Variants in GARIN1A observed in about 807,000 individuals in gnomAD.
GARIN1A encodes Golgi-associated RAB2 interactor protein 1A.
At chr7:128,700,279 A>ATTTTTTTT in the GARIN1A span, among the ~76,000 whole-genome samples, 1 of 119,474 alleles carries the variant, frequency 8.4e-6, no homozygotes. Context: ...TTTGTTTTGT[A>ATTTTTTTT]TTTTGTTTTT....
the GARIN1A span, among the ~76,000 whole-genome samples, chr7:128,704,375 G>T: frequency 7.2e-4 from 110 of 151,794 alleles, 4 homozygotes; most frequent in African/African-American, 2.5e-3. Flanking sequence ...CACCATCTCG[G>T]CTCACTGCAA....
the GARIN1A span, among the ~76,000 whole-genome samples, chr7:128,701,933 A>G: frequency 1.3e-5 from 2 of 152,202 alleles, no homozygotes; most frequent in Non-Finnish European, 2.9e-5. Flanking sequence ...ACACAAAAAT[A>G]AGAATTACAG....
chr7:128,684,309 A>G, the GARIN1A span: 2 of 152,236 alleles, frequency 1.3e-5, no homozygotes, highest in African/African-American at 4.8e-5. Context: ...TTGCTCCACT[A>G]TATCAAGCAA....
chr7:128,672,555 C>T, the GARIN1A span: 60 of 1,601,612 alleles, frequency 3.7e-5, no homozygotes, highest in Non-Finnish European at 4.8e-5. Context: ...ATCCAGGTAC[C>T]CTCGTGGAGC....
At chr7:128,689,002 T>C in the GARIN1A span, among the ~76,000 whole-genome samples, 3 of 151,632 alleles carry the variant, frequency 2.0e-5, no homozygotes, top group Non-Finnish European at 4.4e-5. Context: ...GGGGTTTCGC[T>C]GTGTTGGCCG....
chr7:128,699,981 G>A, the GARIN1A span, among the ~76,000 whole-genome samples: 1 of 151,900 alleles, frequency 6.6e-6, no homozygotes, highest in African/African-American at 2.4e-5. Flanking sequence ...ACAGTTTTTG[G>A]TTTAAAGTCC....
At chr7:128,691,602 C>T in the GARIN1A span, 2 of 152,234 alleles carry the variant, frequency 1.3e-5, no homozygotes, top group African/African-American at 4.8e-5. Flanking sequence ...GACCCACCAA[C>T]ACTAAGATGG....
chr7:128,675,746 G>A, the GARIN1A span: 15 of 1,613,690 alleles, frequency 9.3e-6, no homozygotes, highest in Admixed American at 3.3e-5. Context: ...TCACCTCCTC[G>A]GTGCCCTCCC....
the GARIN1A span, among the ~76,000 whole-genome samples, chr7:128,679,530 A>G: frequency 4.8e-4 from 73 of 152,250 alleles, no homozygotes; most frequent in African/African-American, 1.7e-3. Flanking sequence ...TTGGACCCTT[A>G]CAAATTTTTA....
chr7:128,687,298 CAGTT>C, the GARIN1A span: 3 of 152,182 alleles, frequency 2.0e-5, no homozygotes, highest in Non-Finnish European at 4.4e-5. Flanking sequence ...CATTTTATGT[CAGTT>C]AGACTTCTTT....
At chr7:128,682,155 T>C in the GARIN1A span, among the ~76,000 whole-genome samples, 1 of 152,036 alleles carries the variant, frequency 6.6e-6, no homozygotes, top group African/African-American at 2.4e-5. Flanking sequence ...CCCTGGGTTG[T>C]CCAAGGAAGG....
the GARIN1A span, among the ~76,000 whole-genome samples, chr7:128,700,760 T>C: frequency 6.6e-6 from 1 of 152,124 alleles, no homozygotes; most frequent in African/African-American, 2.4e-5. Context: ...GCCAAGAATT[T>C]CTCAGAATTC....
the GARIN1A span, among the ~76,000 whole-genome samples, chr7:128,689,624 C>CAT: frequency 4.3e-5 from 6 of 139,612 alleles, no homozygotes; most frequent in East Asian, 2.2e-4. Flanking sequence ...AAGTGAGGAG[C>CAT]CCCTCCGCCC....
the GARIN1A span, chr7:128,675,734 G>C: frequency 6.2e-7 from 1 of 1,613,750 alleles, no homozygotes; most frequent in Non-Finnish European, 8.5e-7. Context: ...TGATCCTCGG[G>C]GTCACCTCCT....
chr7:128,686,410 A>G, the GARIN1A span: 1 of 152,220 alleles, frequency 6.6e-6, no homozygotes, highest in Admixed American at 6.5e-5. Context: ...AACCGGAGCC[A>G]CAGAGAGGTT....
At chr7:128,708,232 G>T in the GARIN1A span, among the ~76,000 whole-genome samples, 1 of 144,286 alleles carries the variant, frequency 6.9e-6, no homozygotes, top group Non-Finnish European at 1.5e-5. Flanking sequence ...TCACTATGTT[G>T]CCCAGGCTGA....
chr7:128,700,741 G>A, the GARIN1A span, among the ~76,000 whole-genome samples: 5 of 152,168 alleles, frequency 3.3e-5, no homozygotes, highest in Admixed American at 3.3e-4. Flanking sequence ...AATATTTGAG[G>A]AAATAATGGC....
At chr7:128,708,179 A>AT in the GARIN1A span, among the ~76,000 whole-genome samples, 4,142 of 129,552 alleles carry the variant, frequency 0.032, 61 homozygotes, top group South Asian at 0.054. Context: ...CACCTGGACA[A>AT]TTTTTTTTTT....
the GARIN1A span, among the ~76,000 whole-genome samples, chr7:128,701,578 G>A: frequency 6.6e-6 from 1 of 152,070 alleles, no homozygotes; most frequent in Non-Finnish European, 1.5e-5. Flanking sequence ...CTATTTTAAA[G>A]AGCGAGAAGG....
Sources: allele counts gnomAD v4.1 joint callset (sites outside exome capture counted in the v4.1 genomes callset), GRCh38; gene constraint gnomAD v4.1.1; transcripts MANE v1.5; gene names NCBI Gene and HGNC (gene_info 2026-07-23, HGNC 2026-07-21).